ANKRD28: variants seen among roughly 807,000 people sequenced by gnomAD.
ANKRD28 encodes ankyrin repeat domain 28.
Under a neutral mutation model 126.5 loss-of-function variants are expected in ANKRD28, and 44 were observed. The ratio of observed to expected loss-of-function variants is 0.35; its 90% CI spans 0.27 to 0.45. The LOEUF (loss-of-function observed/expected upper bound fraction) is 0.45. ANKRD28 is among the 20% of genes least tolerant of loss of function. The pLI is 1.00. For missense variants in ANKRD28, 1,110 were observed against 1,316.6 expected, an observed-to-expected ratio of 0.84 and a Z score of 2.43; for synonymous variants, 442 against 468.5, an observed-to-expected ratio of 0.94 and a Z score of 0.73.
At chr3:15,776,510 A>C (rs1359511333) in intron 2 of ANKRD28, among the ~76,000 whole-genome samples, 1 of 152,230 alleles carries the variant, frequency 6.6e-6, no homozygotes, top group African/African-American at 2.4e-5. Context: ...TTGATTCAAA[A>C]TATGCAAAAC....
In ANKRD28 at chr3:15,685,370, C is replaced by A; in HGVS notation, c.2245G>T (p.Gly749Cys). ...GAKCLLRDSR[G>C]RTPIHLSAAC... ...GCAGACAGGTGTATAGGCGTCCGGC[C>A]CCTGCTATCCCGAAGTAAGCACTTA... The change falls in exon 21 of 28, where the codon GGC becomes TGC. Residue 749 changes from glycine (G) to cysteine (C), a missense_variant. Gly to Cys is a radical substitution (Grantham distance 159). Transcript: ENST00000683139. 1 of 1,613,992 alleles carries A rather than the reference C, an allele frequency of 6.2e-7. No homozygotes were observed. The highest frequency in any genetic ancestry group is 8.5e-7 in the Non-Finnish European group (1 of 1,179,872).
intron 2 of ANKRD28, 95 bp from the exon 3 acceptor site, chr3:15,766,407 AAACCATT>A: frequency 1.2e-6 from 1 of 834,614 alleles, no homozygotes; most frequent in Admixed American, 2.3e-5. Context: ...TCCCCCCACC[AAACCATT>A]ATTAACTATC....
In ANKRD28 at chr3:15,812,958, G is replaced by A. The variant is rs1575754513; in HGVS notation, c.28-17652C>T. Among the ~76,000 whole-genome samples, 1 of 151,740 alleles carries A rather than the reference G, an allele frequency of 6.6e-6. No individual in the cohort carries two copies. On this transcript the variant is annotated intron_variant, in intron 1 of 27. Transcript: ENST00000399451. This position sits in a 1 kb window ranked among gnomAD's most constrained non-coding sequence, Gnocchi z 4.1. ...ATTTGAAGAAAACAATCAGGTAAAC[G>A]GTGTGTTCCCAATAATCTACCCCTA...
intron 1 of ANKRD28, among the ~76,000 whole-genome samples, chr3:15,851,806 C>G (rs1246154684): frequency 6.6e-6 from 1 of 152,134 alleles, no homozygotes; most frequent in Non-Finnish European, 1.5e-5. Context: ...GAAATGAAAA[C>G]TTACGTCTAC....
Position 15,731,711 on chromosome 3 carries a change from G to A in ANKRD28, c.640+3699C>T, listed in dbSNP as rs553691615. Among the ~76,000 whole-genome samples the A allele has an allele frequency of 1.4e-4, 22 of 151,932 alleles. 1 individual carries two copies. In the East Asian group the frequency reaches 2.5e-3, roughly 17 times the overall value. On this transcript the variant is annotated intron_variant, in intron 6 of 27. Transcript: ENST00000683139. Reference sequence around the variant, plus strand: ...CTAAATATACAAAAATTAGCTGGGCGTGGTGGCAGGCGCCTGTAGTCCCAG... The same window carrying A: ...CTAAATATACAAAAATTAGCTGGGCATGGTGGCAGGCGCCTGTAGTCCCAG...
At chr3:15,777,849 TACACACACACACACACACACACACAC>T (rs569761948) in intron 2 of ANKRD28, among the ~76,000 whole-genome samples, 22 of 106,136 alleles carry the variant, frequency 2.1e-4, no homozygotes, top group Admixed American at 5.0e-4. Flanking sequence ...AAAACCAAAC[TACACACACACACACACACACACACAC>T]ACACACACAC....
At chr3:15,676,805 G>A in intron 26 of ANKRD28, 169 bp downstream of exon 26, 2 of 471,698 alleles carry the variant, frequency 4.2e-6, no homozygotes, top group Admixed American at 3.8e-5. Context: ...AAATAATATG[G>A]CTTTTAGTTG....
chr3:15,678,263 T>G lies in ANKRD28; in HGVS notation c.2653A>C (p.Thr885Pro). The G allele has an allele frequency of 6.2e-7, 1 of 1,613,060 alleles. No individual in the cohort carries two copies. Among genetic ancestry groups the G allele is most frequent in the Non-Finnish European group, 8.5e-7 (1 of 1,179,692 alleles). Residue 885 changes from threonine to proline, a missense_variant, in exon 24 of 28, where the codon ACA becomes CCA. Transcript: ENST00000683139. ...GCCATCATAAGAGGTGTTTTCCCTGTAGAGTCCACAGAATTGACTTGAGCA... is the reference window on the plus strand; with the variant it reads ...GCCATCATAAGAGGTGTTTTCCCTGGAGAGTCCACAGAATTGACTTGAGCA... ...HNAQVNSVDS[T>P]GKTPLMMAAE...
chr3:15,678,981 G>T (rs528883950), intron 23 of ANKRD28, among the ~76,000 whole-genome samples: 1 of 151,992 alleles, frequency 6.6e-6, no homozygotes, highest in Admixed American at 6.6e-5. Context: ...AACCTTTTTG[G>T]GGGGTAGGGC....
At chr3:15,763,904 T>A (rs1416326929) in intron 3 of ANKRD28, among the ~76,000 whole-genome samples, 1 of 152,162 alleles carries the variant, frequency 6.6e-6, no homozygotes, top group African/African-American at 2.4e-5. Context: ...TGAGCTATAT[T>A]ACCTCTTTAC....
chr3:15,835,521 A>G (rs1575794772), intron 1 of ANKRD28, among the ~76,000 whole-genome samples: 1 of 152,354 alleles, frequency 6.6e-6, no homozygotes, highest in South Asian at 2.1e-4. Context: ...AAACATTTAG[A>G]ACTCATCTTT....
chr3:15,766,447 A>G (rs2058742464), intron 2 of ANKRD28, 135 bp from the exon 3 acceptor site: 4 of 609,582 alleles, frequency 6.6e-6, no homozygotes, highest in Non-Finnish European at 1.1e-5. Flanking sequence ...CTATAACTCT[A>G]GCCTAGTCTG....
intron 6 of ANKRD28, chr3:15,733,518 TC>T (rs982435824): frequency 6.6e-6 from 1 of 152,258 alleles, no homozygotes; most frequent in East Asian, 1.9e-4. Flanking sequence ...AATATTTTCT[TC>T]AAATATCATT....
intron 18 of ANKRD28, among the ~76,000 whole-genome samples, chr3:15,689,434 CCT>C (rs1481242237): frequency 4.6e-5 from 7 of 152,228 alleles, no homozygotes; most frequent in Admixed American, 2.6e-4. Flanking sequence ...GCCACTGCCC[CCT>C]GAGGGGCCCC....
chr3:15,803,821 T>C (rs2060519694), intron 1 of ANKRD28, among the ~76,000 whole-genome samples: 1 of 144,208 alleles, frequency 6.9e-6, no homozygotes, highest in African/African-American at 2.6e-5. Context: ...GTTACATCAA[T>C]ATCTAAGGTG....
In ANKRD28 at chr3:15,833,573, A is replaced by G. The variant is rs1209288612; in HGVS notation, c.27+25804T>C. 2.0e-5 allele frequency among the ~76,000 whole-genome samples: 3 copies of G among 150,288 alleles called. No homozygotes were observed. Among genetic ancestry groups the G allele is most frequent in the East Asian group, 1.9e-4 (1 of 5,166 alleles). On this transcript the variant is annotated intron_variant, in intron 1 of 27. Coordinates refer to the ANKRD28 transcript ENST00000399451. This position sits in a 1 kb window ranked among gnomAD's most constrained non-coding sequence, Gnocchi z 4.4. ...ATATATAATGTGTGTGTGTATATATATATCTCCTATTAGTTCTGTCCCTCT... is the reference window on the plus strand; with the variant it reads ...ATATATAATGTGTGTGTGTATATATGTATCTCCTATTAGTTCTGTCCCTCT...
intron 18 of ANKRD28, among the ~76,000 whole-genome samples, chr3:15,686,943 T>C (rs1052141830): frequency 5.4e-5 from 8 of 148,088 alleles, no homozygotes; most frequent in Admixed American, 1.3e-4. Context: ...CTGCCTGATA[T>C]TGCTTTTTTT....
At chr3:15,813,445 T>C (rs907688503) in intron 1 of ANKRD28, among the ~76,000 whole-genome samples, 5 of 152,182 alleles carry the variant, frequency 3.3e-5, no homozygotes, top group Non-Finnish European at 5.9e-5. Context: ...GTAAGGATGA[T>C]TCTTTGTTCT....
chr3:15,797,754 G>A lies in ANKRD28; in HGVS notation c.-1233C>T, dbSNP rs990196369. ...ATAGTTTCCTTCCACTGTGAAAACCGCCACAGTTATCCTTTTCAGATTTCA... is the reference window on the plus strand; with the variant it reads ...ATAGTTTCCTTCCACTGTGAAAACCACCACAGTTATCCTTTTCAGATTTCA... On this transcript the variant is annotated 5_prime_UTR_variant, in exon 1 of 28. Coordinates refer to ENST00000683139, the MANE Select transcript of ANKRD28 (RefSeq NM_001349278.2). 12 of 985,302 alleles carry A rather than the reference G, an allele frequency of 1.2e-5. No homozygotes were observed. The highest frequency in any genetic ancestry group is 4.7e-5 in the South Asian group (1 of 21,280). 61.0% of individuals were successfully genotyped at this position (985,302 alleles called of 1,614,324 possible).
Sources: gnomAD v4.1 joint callset for allele counts (sites outside exome capture counted in the v4.1 genomes callset) on GRCh38, gnomAD v4.1.1 for gene constraint, Gnocchi (gnomAD v3.1) non-coding constraint, MANE v1.5 for transcripts, NCBI Gene and HGNC (gene_info 2026-07-23, HGNC 2026-07-21) for gene names.